Variants in RABGGTA observed in about 807,000 individuals in gnomAD.
The protein encoded by RABGGTA is Rab geranylgeranyltransferase subunit alpha.
A neutral mutation model predicts 83.3 loss-of-function variants in RABGGTA; 69 were observed. The observed-to-expected ratio is 0.83, with a 90% CI of 0.68 to 1.01. The LOEUF (loss-of-function observed/expected upper bound fraction) is 1.01. RABGGTA is among the 50% of genes least tolerant of loss of function. The probability of loss-of-function intolerance (pLI) is 0.00; values close to 1 mark genes in which losing one functional copy is unlikely to be tolerated. For missense variants in RABGGTA, 681 were observed against 712.7 expected (o/e 0.96, Z 0.51); for synonymous variants, 310 against 299.8 (o/e 1.03, Z -0.35).
At chr14:24,270,990 G>C in intron 2 of RABGGTA, 43 bp from the exon 3 acceptor site, 2 of 1,606,660 alleles carry the variant, frequency 1.2e-6, no homozygotes, top group South Asian at 2.2e-5. Flanking sequence ...TTGCCTTGCA[G>C]AAGCTGACCT....
In RABGGTA at chr14:24,270,342, C is replaced by T. The variant is rs1343819720; in HGVS notation, c.231G>A (p.Glu77=). 1.9e-6 allele frequency: 3 copies of T among 1,613,714 alleles called. No individual in the cohort carries two copies. The highest frequency in any genetic ancestry group is 2.7e-5 in the African/African-American group (2 of 74,936). Residue 77 remains glutamate (E), a synonymous_variant, in exon 4 of 17, where the codon GAG becomes GAA. Coordinates refer to ENST00000216840, the MANE Select transcript of RABGGTA (RefSeq NM_182836.3). The part of the protein sequence containing the change: ...NCRREVLQQL[E]TQKSPEELAA... ...CCTGAATCCCTACGCACTTCTGAGT[C>T]TCCAGCTGCTGGAGCACCTCTCGTC...
Position 24,268,945 on chromosome 14 carries a change from G to C in RABGGTA, c.764C>G (p.Ala255Gly), listed in dbSNP as rs1371061998. 1 of 1,587,844 alleles carries C rather than the reference G, an allele frequency of 6.3e-7. No homozygotes were observed. The highest frequency in any genetic ancestry group is 1.3e-5 in the African/African-American group (1 of 74,442). ...CCGAGAGAAGGAGACAGTCAGACAG[G>C]CCTCGTCCCGGCTCACATGCAGGCA... ...LRCLHVSRDE[A>G]CLTVSFSRPL... Residue 255 changes from alanine (A) to glycine (G), a missense_variant, in exon 8 of 17, where the codon GCC becomes GGC. Physicochemically the swap from Ala to Gly is moderately conservative, Grantham distance 60. Transcript: ENST00000216840.
rs2040894658 is a variant in RABGGTA, at chr14:24,267,924, T to C, written c.1182A>G (p.Ala394=). ...CLLTIILLMR[A]LDPLLYEKET... ...CCTTCTCATACAGCAGGGGGTCCAG[T>C]GCCCGCATCAGCAGGATGATGGTAA... Residue 394 remains alanine, a synonymous_variant, in exon 13 of 17, where the codon GCA becomes GCG. Coordinates refer to ENST00000216840, the MANE Select transcript of RABGGTA (RefSeq NM_182836.3). The C allele has an allele frequency of 2.5e-6, 4 of 1,613,688 alleles. No homozygotes were observed. The highest frequency in any genetic ancestry group is 1.7e-5 in the Admixed American group (1 of 60,006).
chr14:24,268,453 C>T, intron 10 of RABGGTA, 33 bp from the exon 11 acceptor site: 2 of 1,594,950 alleles, frequency 1.3e-6, no homozygotes, highest in Non-Finnish European at 8.5e-7. Flanking sequence ...GAGGGTGCAC[C>T]CTTGAGAGGA....
rs2040916953 is a variant in RABGGTA at position 24,269,486 on chromosome 14, G to A, written c.631+5C>T. 1.3e-6 allele frequency: 2 copies of A among 1,566,138 alleles called. No individual in the cohort carries two copies. Among genetic ancestry groups the A allele is most frequent in the Non-Finnish European group, 8.8e-7 (1 of 1,136,858 alleles). Reference sequence around the variant, plus strand: ...GTCCTCCTGAGCATCCCTGACCCTGGTTACCTTTGAGCAGCACATCCTCAG... The same window carrying A: ...GTCCTCCTGAGCATCCCTGACCCTGATTACCTTTGAGCAGCACATCCTCAG... On this transcript the variant is annotated splice_donor_5th_base_variant and intron_variant, in intron 6 of 16. Transcript: ENST00000216840.
In RABGGTA at chr14:24,271,163, T is replaced by C. The variant is rs768385674; in HGVS notation, c.-48A>G. The C allele has an allele frequency of 5.3e-6, 8 of 1,508,610 alleles. No homozygotes were observed. The highest frequency in any genetic ancestry group is 7.1e-6 in the Non-Finnish European group (8 of 1,129,174). 93.5% of individuals were successfully genotyped at this position (1,508,610 alleles called of 1,614,324 possible). A position where few individuals can be genotyped will look rare whatever the true frequency, so the allele number is the denominator to read the frequency against. On this transcript the variant is annotated 5_prime_UTR_variant, in exon 2 of 17. Coordinates refer to ENST00000216840, the MANE Select transcript of RABGGTA (RefSeq NM_182836.3). Reference sequence around the variant, plus strand: ...CAGGGGAAGGGTCCAGTGGTAGCCCTTGAAGTCTGAGGAGAGAAGTGTCAA... The same window carrying C: ...CAGGGGAAGGGTCCAGTGGTAGCCCCTGAAGTCTGAGGAGAGAAGTGTCAA...
chr14:24,270,510 A>G, intron 3 of RABGGTA, 52 bp from the exon 4 acceptor site: 1 of 1,605,062 alleles, frequency 6.2e-7, no homozygotes, highest in Admixed American at 1.7e-5. Context: ...CCACTACAGG[A>G]CTAAATAACG....
Position 24,267,762 on chromosome 14 carries a change from C to T in RABGGTA, c.1251G>A (p.Met417Ile). The change falls in exon 14 of 17, where the codon ATG (methionine) becomes ATA (isoleucine). Residue 417 changes from methionine (M) to isoleucine (I), a missense_variant. Physicochemically the swap from Met to Ile is conservative, Grantham distance 10. Around this residue, in one of 5 missense-constraint regions of RABGGTA, gnomAD observed 421 missense variants for 418.5 expected, o/e 1.01. Coordinates refer to ENST00000216840, the MANE Select transcript of RABGGTA (RefSeq NM_182836.3). The stretch of plus-strand genomic sequence containing the variant: ...GCAGGTCATCCAGATACGTTGCCCG[C>T]ATGGGGTCCACGGCCTGGAGTGGAT... ...YFQTLKAVDP[M>I]RATYLDDLRS... 2 of 1,612,460 alleles carry T rather than the reference C, an allele frequency of 1.2e-6. No homozygotes were observed. The highest frequency in any genetic ancestry group is 1.7e-6 in the Non-Finnish European group (2 of 1,179,802).
At position 24,271,099 on chromosome 14, in the gene RABGGTA, C is replaced by T. The variant is rs936314763; in HGVS notation, c.3+14G>A. ...GGGCCTGCGGAGGTGAAGGGCTGGG[C>T]TCAGGGTTCTCACCATGGTGCCGGC... On this transcript the variant is annotated intron_variant, in intron 2 of 16. Transcript: ENST00000216840. 13 of 1,558,022 alleles carry T rather than the reference C, an allele frequency of 8.3e-6. No homozygotes were observed. Among genetic ancestry groups the T allele is most frequent in the Non-Finnish European group, 1.1e-5 (13 of 1,151,750 alleles).
At position 24,268,105 on chromosome 14, in the gene RABGGTA, C is replaced by T; in HGVS notation, c.1147+5G>A. ...GGAGCAGACTCTCACGGAATGGGGC[C>T]TCACATTTATTCTCAGGCTCCAGCT... is the stretch of plus-strand genomic sequence containing the variant. On this transcript the variant is annotated splice_donor_5th_base_variant and intron_variant, in intron 12 of 16. Transcript: ENST00000216840. 2 of 1,613,752 alleles carry T rather than the reference C, an allele frequency of 1.2e-6. No homozygotes were observed. The highest frequency in any genetic ancestry group is 1.7e-6 in the Non-Finnish European group (2 of 1,179,772).
rs752720389 is a variant in RABGGTA at position 24,268,836 on chromosome 14, A to C, written c.799-10T>G. On this transcript the variant is annotated splice_polypyrimidine_tract_variant and intron_variant, in intron 8 of 16. Transcript: ENST00000216840. ...CCATCCTGGAGCCCACCTGGCACAA[A>C]GGACAAAGACTTCAGCCCCATCAGC... The C allele has an allele frequency of 2.7e-5, 43 of 1,564,486 alleles. No individual in the cohort carries two copies. Among genetic ancestry groups the C allele is most frequent in the Non-Finnish European group, 3.6e-5 (42 of 1,154,528 alleles).
In RABGGTA at chr14:24,270,842, G is replaced by A. The variant is rs763715043; in HGVS notation, c.109C>T (p.Gln37Ter). Residue 37 changes from glutamine to a stop codon, truncating the protein, a stop_gained, in exon 3 of 17, where the codon CAG becomes TAG. Transcript: ENST00000216840. LOFTEE classifies it high-confidence loss of function. The part of the protein sequence containing the change: ...LYQSATQAVF[Q>*]KRQAGELDES... ...GCTACCTCTGAGGGCCCCACCTTCTGGAATACGGCCTGGGTGGCTGACTGG... is the reference window on the plus strand; with the variant it reads ...GCTACCTCTGAGGGCCCCACCTTCTAGAATACGGCCTGGGTGGCTGACTGG... The A allele has an allele frequency of 1.2e-6, 2 of 1,613,708 alleles. No homozygotes were observed. Among genetic ancestry groups the A allele is most frequent in the South Asian group, 1.1e-5 (1 of 90,962 alleles).
intron 3 of RABGGTA, 53 bp from the exon 4 acceptor site, chr14:24,270,511 C>T (rs2040934349): frequency 6.2e-7 from 1 of 1,603,480 alleles, no homozygotes; most frequent in Admixed American, 1.7e-5. Flanking sequence ...CACTACAGGA[C>T]TAAATAACGT....
rs758819720 is a variant in RABGGTA, at chr14:24,269,082, C to T, written c.713G>A (p.Arg238Gln). The change falls in exon 7 of 17, where the codon CGA becomes CAA. Residue 238 changes from arginine (R) to glutamine (Q), a missense_variant and splice_region_variant. This residue lies in a region of RABGGTA where 421 missense variants were observed against 418.5 expected (regional missense o/e 1.01). Coordinates refer to ENST00000216840, the MANE Select transcript of RABGGTA (RefSeq NM_182836.3). ...CAGCCCCTTTCCTCATTGCTCACCTCGGCCTAGGAGCCAACGGTGATAAAA... is the reference window on the plus strand; with the variant it reads ...CAGCCCCTTTCCTCATTGCTCACCTTGGCCTAGGAGCCAACGGTGATAAAA... ...AWFYHRWLLGRADPQDALRCL... is the reference protein window; with the variant it reads ...AWFYHRWLLGQADPQDALRCL... The T allele has an allele frequency of 9.3e-6, 15 of 1,606,672 alleles. No individual in the cohort carries two copies. The highest frequency in any genetic ancestry group is 2.7e-5 in the African/African-American group (2 of 74,772).
In RABGGTA at chr14:24,265,832, G is replaced by A. The variant is rs189818843; in HGVS notation, c.1556-69C>T. 105 of 1,505,070 alleles carry A rather than the reference G, an allele frequency of 7.0e-5. No individual in the cohort carries two copies. The African/African-American group carries it at 1.3e-3, about 19-fold the overall frequency. 93.2% of individuals were successfully genotyped at this position (1,505,070 alleles called of 1,614,324 possible). ...TTTATTTGCTCCTGTGTACCCTCAA[G>A]AGCTGGGGACTGCTGCCTGGAAGTC... On this transcript the variant is annotated intron_variant, in intron 16 of 16. Transcript: ENST00000216840.
rs1316021670 is a variant in RABGGTA at position 24,267,873 on chromosome 14, G to A, written c.1233C>T (p.Leu411=). 6.2e-7 allele frequency: 1 copy of A among 1,613,586 alleles called. No individual in the cohort carries two copies. Among genetic ancestry groups the A allele is most frequent in the South Asian group, 1.1e-5 (1 of 91,042 alleles). The change falls in exon 13 of 17, where the codon CTC becomes CTT. Residue 411 remains leucine (L), a synonymous_variant. Coordinates refer to ENST00000216840, the MANE Select transcript of RABGGTA (RefSeq NM_182836.3). ...EKETLQYFQT[L]KAVDPMRATY... is the part of the protein sequence containing the mutation. ...CTGTTCTGCAGACAGAACTTGCCTT[G>A]AGGGTCTGGAAGTACTGCAGGGTCT...
intron 5 of RABGGTA, 67 bp from the exon 6 acceptor site, chr14:24,269,761 A>T: frequency 6.5e-7 from 1 of 1,539,320 alleles, no homozygotes; most frequent in Non-Finnish European, 8.9e-7. Context: ...TGGGACCCCT[A>T]GAGTCCCCTC....
Position 24,270,408 on chromosome 14 carries a change from A to C in RABGGTA, c.165T>G (p.Ile55Met). The C allele has an allele frequency of 6.2e-7, 1 of 1,614,024 alleles. No individual in the cohort carries two copies. The highest frequency in any genetic ancestry group is 8.5e-7 in the Non-Finnish European group (1 of 1,179,892). Residue 55 changes from isoleucine (I) to methionine (M), a missense_variant, in exon 4 of 17, where the codon ATT (isoleucine) becomes ATG (methionine). Physicochemically the swap from Ile to Met is conservative, Grantham distance 10. This residue lies in a region of RABGGTA where 115 missense variants were observed against 111.5 expected (regional missense o/e 1.03). Coordinates refer to ENST00000216840, the MANE Select transcript of RABGGTA (RefSeq NM_182836.3). ...DESVLELTSQ[I>M]LGANPDFATL... is the part of the protein sequence containing the mutation. ...TGGCAAAATCAGGGTTGGCTCCCAGAATCTGGCTTGTCAGTTCCAGCACGG... is the reference window on the plus strand; with the variant it reads ...TGGCAAAATCAGGGTTGGCTCCCAGCATCTGGCTTGTCAGTTCCAGCACGG...
In RABGGTA at chr14:24,265,715, A is replaced by G; in HGVS notation, c.1604T>C (p.Leu535Pro). 1 of 1,612,608 alleles carries G rather than the reference A, an allele frequency of 6.2e-7. No individual in the cohort carries two copies. Among genetic ancestry groups the G allele is most frequent in the Non-Finnish European group, 8.5e-7 (1 of 1,179,420 alleles). ...VLQPLASCPRLVLLNLQGNPL... is the reference protein window; with the variant it reads ...VLQPLASCPRPVLLNLQGNPL... ...GTTACCCTGCAGGTTGAGGAGGACC[A>G]GCCTGGGGCAGGAGGCAAGAGGCTG... is the stretch of plus-strand genomic sequence containing the variant. The change falls in exon 17 of 17, where the codon CTG (leucine) becomes CCG (proline). Residue 535 changes from leucine to proline, a missense_variant. This residue lies in a region of RABGGTA where 421 missense variants were observed against 418.5 expected (regional missense o/e 1.01). Coordinates refer to ENST00000216840, the MANE Select transcript of RABGGTA (RefSeq NM_182836.3).
Sources: gnomAD v4.1 joint callset for allele counts on GRCh38, gnomAD v4.1.1 for gene constraint, gnomAD v4.1.1 regional missense constraint, MANE v1.5 for transcripts, NCBI Gene and HGNC (gene_info 2026-07-23, HGNC 2026-07-21) for gene names.